LSM14A: variants seen among roughly 807,000 people sequenced by gnomAD.
LSM14A encodes the protein LSM14A mRNA processing body assembly factor, also known as protein LSM14 homolog A.
A neutral mutation model predicts 52.4 loss-of-function variants in LSM14A; 14 were observed. The observed-to-expected ratio is 0.27, with a 90% CI of 0.18 to 0.42. LSM14A has a LOEUF of 0.42. Ranked by LOEUF, LSM14A falls within the 10% of genes least tolerant of loss-of-function variation. The probability of loss-of-function intolerance (pLI) is 1.00; values close to 1 mark genes in which losing one functional copy is unlikely to be tolerated. For missense variants in LSM14A, 417 were observed against 581.8 expected (o/e 0.72, Z 2.91); for synonymous variants, 185 against 200.3 (o/e 0.92, Z 0.64).
At chr19:34,172,787 T>C (rs764449441) in intron 1 of LSM14A, 24 bp downstream of exon 1, 4 of 1,558,026 alleles carry the variant, frequency 2.6e-6, no homozygotes, top group Middle Eastern at 1.7e-4. Flanking sequence ...GGCCTCAGGG[T>C]GGGGGCCGAG....
intron 6 of LSM14A, 95 bp downstream of exon 6, chr19:34,215,756 C>A: frequency 1.1e-6 from 1 of 902,420 alleles, no homozygotes; most frequent in Non-Finnish European, 1.7e-6. Context: ...AAATGAAAGG[C>A]GGGGGTTGTG....
chr19:34,215,083 T>C, intron 4 of LSM14A, 41 bp from the exon 5 acceptor site: 1 of 1,515,918 alleles, frequency 6.6e-7, no homozygotes, highest in Admixed American at 2.2e-5. Flanking sequence ...TATTTTGAAA[T>C]CCCCAATAGG....
In LSM14A at chr19:34,179,541, T is replaced by C. The variant is rs2069323533; in HGVS notation, c.121+6778T>C. 2.6e-5 allele frequency among the ~76,000 whole-genome samples: 4 copies of C among 152,190 alleles called. No homozygotes were observed. The South Asian group carries it at 8.3e-4, about 32-fold the overall frequency. On this transcript the variant is annotated intron_variant, in intron 1 of 9. Transcript: ENST00000544216. Reference sequence around the variant, plus strand: ...GAGCCTTGGAAACAGTTTATTATTGTTACATAGTCCGCAGAAATACTTGGT... The same window carrying C: ...GAGCCTTGGAAACAGTTTATTATTGCTACATAGTCCGCAGAAATACTTGGT...
At chr19:34,223,528 C>G (rs2073178255) in intron 9 of LSM14A, among the ~76,000 whole-genome samples, 1 of 152,236 alleles carries the variant, frequency 6.6e-6, no homozygotes, top group Admixed American at 6.5e-5. Flanking sequence ...CTGCCTCCTC[C>G]CAGTGTTCCA....
chr19:34,189,877 T>C (rs1042119043), intron 1 of LSM14A, among the ~76,000 whole-genome samples: 1 of 152,326 alleles, frequency 6.6e-6, no homozygotes, highest in South Asian at 2.1e-4. Flanking sequence ...TTTAGAACTT[T>C]CCCTTTAAAA....
chr19:34,220,664 G>A (rs185669433), intron 8 of LSM14A, among the ~76,000 whole-genome samples: 113 of 152,308 alleles, frequency 7.4e-4, no homozygotes, highest in Admixed American at 3.1e-3. Flanking sequence ...GGTGCCCTCT[G>A]GTGGCAGTTG....
chr19:34,181,491 GTAGT>G (rs2069479763), intron 1 of LSM14A, among the ~76,000 whole-genome samples: 1 of 152,104 alleles, frequency 6.6e-6, no homozygotes, highest in Admixed American at 6.5e-5. Flanking sequence ...ACCAAATCCA[GTAGT>G]TAGTTCTTAG....
At chr19:34,219,265 T>A (rs1291876321) in intron 6 of LSM14A, 126 bp from the exon 7 acceptor site, 1 of 520,552 alleles carries the variant, frequency 1.9e-6, no homozygotes, top group Non-Finnish European at 3.4e-6. Flanking sequence ...TACAATAAAA[T>A]ATATAGAGAG....
intron 8 of LSM14A, 159 bp from the exon 9 acceptor site, chr19:34,221,348 C>T (rs1599723374): frequency 3.7e-6 from 3 of 810,480 alleles, no homozygotes; most frequent in East Asian, 2.7e-5. Context: ...TCCCAAAGTG[C>T]TGGGATTACA....
At chr19:34,226,375 CTTTTTTTTTTT>C (rs528137318) in intron 9 of LSM14A, 5 of 1,195,528 alleles carry the variant, frequency 4.2e-6, no homozygotes, top group South Asian at 3.2e-5. Context: ...ATCTCTTTCT[CTTTTTTTTTTT>C]TTTTTTTTTT....
chr19:34,214,814 C>A (rs2145827547), intron 4 of LSM14A, among the ~76,000 whole-genome samples: 1 of 134,952 alleles, frequency 7.4e-6, no homozygotes, highest in South Asian at 2.5e-4. Flanking sequence ...TACCTGGCAG[C>A]AATTTTTTTT....
intron 1 of LSM14A, among the ~76,000 whole-genome samples, chr19:34,186,095 G>A (rs1158069023): frequency 6.6e-6 from 1 of 152,206 alleles, no homozygotes; most frequent in African/African-American, 2.4e-5. Context: ...ATATTCAAAT[G>A]TCAGCTATAT....
rs191257598 is a variant in LSM14A at position 34,178,445 on chromosome 19, A to G, written c.121+5682A>G. Among the ~76,000 whole-genome samples, 86 of 152,354 alleles carry G rather than the reference A, an allele frequency of 5.6e-4. 1 individual carries two copies. Among genetic ancestry groups the G allele is most frequent in the South Asian group, 1.0e-3 (5 of 4,826 alleles). On this transcript the variant is annotated intron_variant, in intron 1 of 9. Transcript: ENST00000544216. ...TGATGTCAATCTGCTATGTATGTTT[A>G]TAGATGATCTGTGTTGCAGTTTGTT... is the stretch of plus-strand genomic sequence containing the variant.
chr19:34,183,911 A>G (rs1167810084), intron 1 of LSM14A, among the ~76,000 whole-genome samples: 2 of 152,194 alleles, frequency 1.3e-5, no homozygotes, highest in East Asian at 3.8e-4. Context: ...GTCCCGTGAA[A>G]GTTGTGTATC....
Position 34,215,675 on chromosome 19 carries a change from T to C in LSM14A, c.781+14T>C, listed in dbSNP as rs897751160. The C allele has an allele frequency of 3.2e-6, 5 of 1,573,602 alleles. No individual in the cohort carries two copies. In the African/African-American group the frequency reaches 6.8e-5, roughly 21 times the overall value. Reference sequence around the variant, plus strand: ...AGAGACAAGTAGGTAAGTTCTTGGATCTAAAAGTCATATTCTATGCTTCTC... The same window carrying C: ...AGAGACAAGTAGGTAAGTTCTTGGACCTAAAAGTCATATTCTATGCTTCTC... On this transcript the variant is annotated intron_variant, in intron 6 of 9. Coordinates refer to ENST00000544216, the MANE Select transcript of LSM14A (RefSeq NM_015578.4).
chr19:34,211,644 C>T (rs908437354), intron 4 of LSM14A, among the ~76,000 whole-genome samples: 6 of 151,962 alleles, frequency 3.9e-5, no homozygotes, highest in Admixed American at 1.3e-4. Context: ...TAAAAATAAG[C>T]AGAGTATGAT....
chr19:34,194,269 A>G (rs1262018364), intron 1 of LSM14A, among the ~76,000 whole-genome samples: 6 of 152,310 alleles, frequency 3.9e-5, no homozygotes, highest in African/African-American at 1.4e-4. Context: ...CATAATACAG[A>G]TAGTCTTTTA....
In LSM14A at chr19:34,181,960, G is replaced by C. The variant is rs867833245; in HGVS notation, c.121+9197G>C. 4.0e-4 allele frequency among the ~76,000 whole-genome samples: 61 copies of C among 151,944 alleles called. 2 individuals are homozygous for C. The highest frequency in any genetic ancestry group is 1.3e-4 in the Non-Finnish European group (9 of 68,002). On this transcript the variant is annotated intron_variant, in intron 1 of 9. Coordinates refer to ENST00000544216, the MANE Select transcript of LSM14A (RefSeq NM_015578.4). ...ATCAAATGACAGCTCTATTCTAGTTGGTAAGACCAAAACACCTTGGAGCCA... is the reference window on the plus strand; with the variant it reads ...ATCAAATGACAGCTCTATTCTAGTTCGTAAGACCAAAACACCTTGGAGCCA...
intron 1 of LSM14A, among the ~76,000 whole-genome samples, chr19:34,183,670 T>A (rs1272993303): frequency 6.6e-6 from 1 of 152,108 alleles, no homozygotes; most frequent in East Asian, 1.9e-4. Context: ...CTTAGCAAAG[T>A]TGAGAGCCGC....
Sources: allele counts gnomAD v4.1 joint callset (sites outside exome capture counted in the v4.1 genomes callset), GRCh38; gene constraint gnomAD v4.1.1; transcripts MANE v1.5; gene names NCBI Gene and HGNC (gene_info 2026-07-23, HGNC 2026-07-21).